The following KCNIP4 variants were observed in gnomAD, a reference collection of about 807,000 sequenced individuals.
The protein encoded by KCNIP4 is potassium voltage-gated channel interacting protein 4.
KCNIP4 carries 12 observed loss-of-function variants against 34.0 expected under a neutral mutation model. That is an observed-to-expected ratio of 0.35 (90% CI 0.23 to 0.57). The LOEUF is 0.57. Ranked by LOEUF, KCNIP4 falls within the 20% of genes least tolerant of loss-of-function variation. The pLI is 0.83. For missense variants in KCNIP4, 238 were observed against 311.7 expected (o/e 0.76, Z 1.78); for synonymous variants, 124 against 102.2 (o/e 1.21, Z -1.29).
intron 1 of KCNIP4, among the ~76,000 whole-genome samples, chr4:21,490,994 A>G (rs1288379106): frequency 6.6e-6 from 1 of 152,156 alleles, no homozygotes; most frequent in Non-Finnish European, 1.5e-5. Flanking sequence ...CTGGAAATGG[A>G]ACAGAAAATC....
At chr4:20,758,701 G>T in intron 4 of KCNIP4, 120 bp downstream of exon 4, 2 of 756,684 alleles carry the variant, frequency 2.6e-6, no homozygotes, top group Admixed American at 2.2e-5. Context: ...TGCATGCTGT[G>T]CATTAATTCT....
chr4:20,759,771 C>A (rs1754797843), intron 3 of KCNIP4, among the ~76,000 whole-genome samples: 1 of 152,150 alleles, frequency 6.6e-6, no homozygotes, highest in Non-Finnish European at 1.5e-5. Flanking sequence ...TTATAAGAAC[C>A]AGTGTGGTTA....
intron 1 of KCNIP4, among the ~76,000 whole-genome samples, chr4:21,943,381 T>A (rs1730310161): frequency 6.6e-6 from 1 of 151,962 alleles, no homozygotes; most frequent in African/African-American, 2.4e-5. Context: ...GGAAGTTAAT[T>A]CTAAGCAGTG....
intron 1 of KCNIP4, among the ~76,000 whole-genome samples, chr4:21,426,348 A>G (rs1725930507): frequency 1.3e-5 from 2 of 152,208 alleles, no homozygotes; most frequent in Non-Finnish European, 2.9e-5. Context: ...ACAACTCCAT[A>G]GATGTAATGA....
chr4:21,631,133 CAT>C (rs1205212899), intron 1 of KCNIP4, among the ~76,000 whole-genome samples: 1 of 152,124 alleles, frequency 6.6e-6, no homozygotes, highest in Admixed American at 6.6e-5. Context: ...GAATTTGTTA[CAT>C]GTTTATTTCT....
intron 1 of KCNIP4, among the ~76,000 whole-genome samples, chr4:21,720,787 C>T (rs139441653): frequency 7.3e-4 from 109 of 149,080 alleles, no homozygotes; most frequent in South Asian, 2.1e-4. Context: ...TTTGTCCTTG[C>T]GATACTTTGC....
At chr4:21,229,253 G>A (rs1039384468) in intron 1 of KCNIP4, among the ~76,000 whole-genome samples, 4 of 151,872 alleles carry the variant, frequency 2.6e-5, no homozygotes, top group African/African-American at 4.8e-5. Context: ...CACATCTATC[G>A]GGAAATATTC....
chr4:21,732,802 G>A (rs1393709131), intron 1 of KCNIP4, among the ~76,000 whole-genome samples: 1 of 152,076 alleles, frequency 6.6e-6, no homozygotes, highest in Non-Finnish European at 1.5e-5. Flanking sequence ...CAGACTCTGA[G>A]GAGTAATCAG....
chr4:21,902,407 A>C (rs891754772), intron 1 of KCNIP4, among the ~76,000 whole-genome samples: 1 of 152,144 alleles, frequency 6.6e-6, no homozygotes, highest in African/African-American at 2.4e-5. Context: ...AAACAAAGTA[A>C]ATAAATCCAT....
intron 1 of KCNIP4, among the ~76,000 whole-genome samples, chr4:20,939,697 C>T (rs1268251801): frequency 6.6e-6 from 1 of 152,142 alleles, no homozygotes; most frequent in East Asian, 1.9e-4. Flanking sequence ...TTACACTAAA[C>T]AGCACATACA....
At chr4:21,566,763 G>A (rs1739921615) in intron 1 of KCNIP4, among the ~76,000 whole-genome samples, 1 of 152,110 alleles carries the variant, frequency 6.6e-6, no homozygotes, top group Non-Finnish European at 1.5e-5. Flanking sequence ...ATTTCAGGTG[G>A]ATTGAGAGAT....
chr4:20,880,706 A>G (rs2117498), intron 2 of KCNIP4, among the ~76,000 whole-genome samples: 26,676 of 152,132 alleles, frequency 0.18, 2,505 homozygotes, highest in Middle Eastern at 0.2. Context: ...GCAAATATCT[A>G]ATAAATTGGC....
rs190046254 is a variant in KCNIP4, at chr4:21,939,465, C to A, written c.61+9106G>T. 1.3e-3 allele frequency among the ~76,000 whole-genome samples: 193 copies of A among 152,286 alleles called. 1 individual carries two copies. The highest frequency in any genetic ancestry group is 3.1e-3 in the Admixed American group (47 of 15,292). ...AATCCACAGTAGGAGAATTCCCTCA[C>A]TCCATGTCCCTGGATATTGTATTTT... On this transcript the variant is annotated intron_variant, in intron 1 of 8. Transcript: ENST00000382152.
At chr4:21,386,400 A>G (rs532311568) in intron 1 of KCNIP4, among the ~76,000 whole-genome samples, 3 of 152,136 alleles carry the variant, frequency 2.0e-5, no homozygotes, top group Non-Finnish European at 4.4e-5. Context: ...TTCCAACCAG[A>G]TGCAAGTGGA....
intron 1 of KCNIP4, among the ~76,000 whole-genome samples, chr4:21,863,618 A>AT (rs1725240464): frequency 6.6e-6 from 1 of 152,358 alleles, no homozygotes; most frequent in South Asian, 2.1e-4. Flanking sequence ...CATGAAGAGA[A>AT]TGAGGCCAGA....
At chr4:20,996,109 G>A (rs1391411670) in intron 1 of KCNIP4, among the ~76,000 whole-genome samples, 3 of 152,100 alleles carry the variant, frequency 2.0e-5, no homozygotes, top group African/African-American at 4.8e-5. Context: ...GAATATGCAA[G>A]ACCCTAAACA....
At position 21,889,906 on chromosome 4, in the gene KCNIP4, T is replaced by G. The variant is rs116622169; in HGVS notation, c.61+58665A>C. 6.3e-3 allele frequency among the ~76,000 whole-genome samples: 964 copies of G among 152,276 alleles called. 14 individuals are homozygous for G. Among genetic ancestry groups the G allele is most frequent in the African/African-American group, 0.022 (910 of 41,580 alleles). ...TGTGGGCTCCCAGAGTCTTGTATAT[T>G]TGCTCACCCTTAGTGTTAGTTTGAA... On this transcript the variant is annotated intron_variant, in intron 1 of 8. Transcript: ENST00000382152.
At chr4:21,087,741 G>T (rs1716220609) in intron 1 of KCNIP4, among the ~76,000 whole-genome samples, 1 of 152,058 alleles carries the variant, frequency 6.6e-6, no homozygotes, top group Non-Finnish European at 1.5e-5. Flanking sequence ...ATGGACTTCT[G>T]TTATCATACA....
chr4:21,408,017 T>C (rs553981465), intron 1 of KCNIP4, among the ~76,000 whole-genome samples: 1 of 152,318 alleles, frequency 6.6e-6, no homozygotes, highest in East Asian at 1.9e-4. Flanking sequence ...TTTCTATGGA[T>C]AATTTACAGA....
Sources: gnomAD v4.1 joint callset for allele counts (sites outside exome capture counted in the v4.1 genomes callset) on GRCh38, gnomAD v4.1.1 for gene constraint, MANE v1.5 for transcripts, NCBI Gene and HGNC (gene_info 2026-07-23, HGNC 2026-07-21) for gene names.